The following SIRPB1 variants were observed in gnomAD, a reference collection of about 807,000 sequenced individuals.
SIRPB1 encodes signal regulatory protein beta 1.
In SIRPB1, 28 loss-of-function variants were observed where a neutral mutation model predicts 34.1. The observed-to-expected ratio is 0.82, with a 90% CI of 0.61 to 1.12. The LOEUF is 1.12. Ranked by LOEUF, SIRPB1 falls within the 50% of genes most tolerant of loss-of-function variation. The probability of loss-of-function intolerance (pLI) is 0.00; values close to 1 mark genes in which losing one functional copy is unlikely to be tolerated. For missense variants in SIRPB1, 499 were observed against 507.0 expected (o/e 0.98, Z 0.15); for synonymous variants, 211 against 203.8 (o/e 1.04, Z -0.30).
intron 1 of SIRPB1, among the ~76,000 whole-genome samples, chr20:1,612,664 C>T (rs1267627992): frequency 1.4e-5 from 1 of 72,806 alleles, no homozygotes. Flanking sequence ...AGAAATACAA[C>T]ATTGTTTTAA....
In SIRPB1 at chr20:1,609,850, A is replaced by G. The variant is rs1479690228; in HGVS notation, c.76+10019T>C. On this transcript the variant is annotated intron_variant, in intron 1 of 5. Coordinates refer to ENST00000381605, the MANE Select transcript of SIRPB1 (RefSeq NM_006065.5). ...CATCATCTAGGAGGGAAATCAGGCA[A>G]TATTCTCAAATATGAAAACACACTA... 2.8e-5 allele frequency among the ~76,000 whole-genome samples: 2 copies of G among 72,412 alleles called. 1 individual carries two copies. Among genetic ancestry groups the G allele is most frequent in the Non-Finnish European group, 5.2e-5 (2 of 38,544 alleles). The allele number at this position is 72,412 out of a possible 152,430, so 47.5% of individuals were successfully genotyped here. A position where few individuals can be genotyped will look rare whatever the true frequency, so the allele number is the denominator to read the frequency against.
rs192022324 is a variant in SIRPB1, at chr20:1,615,521, C to T, written c.76+4348G>A. On this transcript the variant is annotated intron_variant, in intron 1 of 5. Transcript: ENST00000381605. ...AAGATCACTGCCAGGTAGAGCTGCA[C>T]ACCTTTCTGTTAACAGTTGGCATTA... Among the ~76,000 whole-genome samples the T allele has an allele frequency of 1.7e-3, 265 of 152,346 alleles. 1 individual carries two copies. Among genetic ancestry groups the T allele is most frequent in the Non-Finnish European group, 2.5e-3 (167 of 68,034 alleles).
At chr20:1,577,002 T>A (rs1459162820) in intron 2 of SIRPB1, among the ~76,000 whole-genome samples, 1 of 148,212 alleles carries the variant, frequency 6.7e-6, no homozygotes, top group East Asian at 1.9e-4. Context: ...TAAATTTTGG[T>A]ATTTCCATAA....
At chr20:1,571,661 A>T in intron 3 of SIRPB1, 59 bp downstream of exon 3, 1 of 1,611,534 alleles carries the variant, frequency 6.2e-7, no homozygotes, top group Non-Finnish European at 8.5e-7. Context: ...GAGCCTGGGG[A>T]GAGGGGAGTG....
rs532011284 is a variant in SIRPB1 at position 1,578,617 on chromosome 20, G to A, written c.154C>T (p.Leu52=). Residue 52 remains leucine (L), a synonymous_variant, in exon 2 of 6, where the codon CTG becomes TTG. Transcript: ENST00000381605. The part of the protein sequence containing the change: ...VSVAAGESAT[L]RCAMTSLIPV... Reference sequence around the variant, plus strand: ...ATCAGGGACGTCATAGCACAGCGCAGAGTGGCCGACTCTCCAGCTGCAACT... The same window carrying A: ...ATCAGGGACGTCATAGCACAGCGCAAAGTGGCCGACTCTCCAGCTGCAACT... 6.3e-7 allele frequency: 1 copy of A among 1,584,298 alleles called. No homozygotes were observed. The highest frequency in any genetic ancestry group is 1.4e-5 in the African/African-American group (1 of 74,058).
chr20:1,611,614 A>G lies in SIRPB1; in HGVS notation c.76+8255T>C. The G allele has an allele frequency of 2.4e-6, 3 of 1,266,280 alleles. 1 individual carries two copies. The highest frequency in any genetic ancestry group is 3.2e-6 in the Non-Finnish European group (3 of 943,394). The allele number at this position is 1,266,280 out of a possible 1,614,324, so 78.4% of individuals were successfully genotyped here. ...CCACTGGATGGGCCCCACAGGGATC[A>G]GGGAAGTCACAGTGCAGTGCAGAGT... On this transcript the variant is annotated intron_variant, in intron 1 of 5. Transcript: ENST00000381605.
At chr20:1,574,506 A>AG (rs2091285645) in intron 2 of SIRPB1, among the ~76,000 whole-genome samples, 1 of 83,160 alleles carries the variant, frequency 1.2e-5, no homozygotes, top group African/African-American at 4.4e-5. Flanking sequence ...TTGGCATTTT[A>AG]GGGGGGTTCC....
chr20:1,594,526 C>T lies in SIRPB1; in HGVS notation c.77-15832G>A, dbSNP rs557614176. Among the ~76,000 whole-genome samples, 2 of 48,528 alleles carry T rather than the reference C, an allele frequency of 4.1e-5. 1 individual carries two copies. Among genetic ancestry groups the T allele is most frequent in the Non-Finnish European group, 7.9e-5 (2 of 25,228 alleles). 31.8% of individuals were successfully genotyped at this position (48,528 alleles called of 152,430 possible). ...ACTCCCCCCTTCATCTACCATATTT[C>T]GCCCCCACTCACGACATTAGATGCA... On this transcript the variant is annotated intron_variant, in intron 1 of 5. Transcript: ENST00000381605.
Position 1,571,654 on chromosome 20 carries a change from C to A in SIRPB1, c.751+66G>T, listed in dbSNP as rs968639695. On this transcript the variant is annotated intron_variant, in intron 3 of 5. Coordinates refer to ENST00000381605, the MANE Select transcript of SIRPB1 (RefSeq NM_006065.5). ...ATTCCAGGCCTTTCAAGCTCTGGAG[C>A]CTGGGGAGAGGGGAGTGGGCTTGGC... 3.2e-5 allele frequency: 52 copies of A among 1,609,958 alleles called. No homozygotes were observed. In the East Asian group the frequency reaches 1.1e-3, roughly 33 times the overall value.
chr20:1,610,506 C>G (rs1568704524), intron 1 of SIRPB1, among the ~76,000 whole-genome samples: 1 of 72,214 alleles, frequency 1.4e-5, no homozygotes, highest in Non-Finnish European at 2.6e-5. Context: ...AGCTCTTGGG[C>G]CTCTGGGAGG....
chr20:1,584,747 C>G lies in SIRPB1; in HGVS notation c.77-6053G>C, dbSNP rs1340799552. 8.1e-5 allele frequency among the ~76,000 whole-genome samples: 4 copies of G among 49,178 alleles called. 2 individuals are homozygous for G. Among genetic ancestry groups the G allele is most frequent in the Non-Finnish European group, 1.6e-4 (4 of 25,432 alleles). 32.3% of individuals were successfully genotyped at this position (49,178 alleles called of 152,430 possible). Reference sequence around the variant, plus strand: ...TTCAATGAAATTCCACAGAAATGGACAAAACAATCCTTAAGTTCATATTAG... The same window carrying G: ...TTCAATGAAATTCCACAGAAATGGAGAAAACAATCCTTAAGTTCATATTAG... On this transcript the variant is annotated intron_variant, in intron 1 of 5. Coordinates refer to ENST00000381605, the MANE Select transcript of SIRPB1 (RefSeq NM_006065.5).
At chr20:1,615,298 A>G (rs534112425) in intron 1 of SIRPB1, among the ~76,000 whole-genome samples, 2 of 152,272 alleles carry the variant, frequency 1.3e-5, no homozygotes, top group African/African-American at 4.8e-5. Context: ...TGCAAATATA[A>G]TGCCCCTCTC....
Position 1,570,857 on chromosome 20 carries a change from A to C in SIRPB1, c.1032T>G (p.Tyr344Ter). The C allele has an allele frequency of 3.7e-6, 6 of 1,614,208 alleles. No homozygotes were observed. Among genetic ancestry groups the C allele is most frequent in the Non-Finnish European group, 5.1e-6 (6 of 1,180,036 alleles). ...HDGQQAVSKS[Y>*]ALEISAHQKE... ...TCTGGTGCGCTGAGATCTCCAGGGC[A>C]TAGCTTTTGCTGACTGCTTGCTGCC... is the stretch of plus-strand genomic sequence containing the variant. The change falls in exon 4 of 6, where the codon TAT becomes TAG. Residue 344 changes from tyrosine (Y) to a stop codon, truncating the protein, a stop_gained. Coordinates refer to ENST00000381605, the MANE Select transcript of SIRPB1 (RefSeq NM_006065.5). LOFTEE classifies it high-confidence loss of function.
intron 5 of SIRPB1, 125 bp downstream of exon 5, chr20:1,566,027 AG>A (rs1217734785): frequency 2.9e-5 from 18 of 624,790 alleles, no homozygotes; most frequent in Non-Finnish European, 2.3e-5. Flanking sequence ...GAGTATCCTG[AG>A]GGAGCCCTGT....
intron 1 of SIRPB1, among the ~76,000 whole-genome samples, chr20:1,616,876 TG>T (rs1384045706): frequency 6.6e-6 from 1 of 152,148 alleles, no homozygotes; most frequent in African/African-American, 2.4e-5. Flanking sequence ...AACTAAAATA[TG>T]GGCCAAAGAT....
At chr20:1,619,774 G>T in intron 1 of SIRPB1, 95 bp downstream of exon 1, 3 of 907,270 alleles carry the variant, frequency 3.3e-6, no homozygotes, top group Non-Finnish European at 5.2e-6. Flanking sequence ...GCCTTTCTTG[G>T]CAGCACTTGT....
intron 4 of SIRPB1, among the ~76,000 whole-genome samples, chr20:1,568,075 C>A (rs193158945): frequency 9.8e-5 from 15 of 152,302 alleles, no homozygotes; most frequent in Non-Finnish European, 1.6e-4. Context: ...TTGGGTCAAA[C>A]CACTCAAAGA....
rs74553185 is a variant in SIRPB1 at position 1,567,336 on chromosome 20, A to G, written c.1085-1069T>C. On this transcript the variant is annotated intron_variant, in intron 4 of 5. Transcript: ENST00000381605. ...AGGGCCAGCCCTTCCCCTCAATTTG[A>G]AAAAAATCTACAGGACCCTCCGGCC... 3.1e-3 allele frequency among the ~76,000 whole-genome samples: 470 copies of G among 152,262 alleles called. 2 individuals carry two copies. The highest frequency in any genetic ancestry group is 9.0e-3 in the African/African-American group (372 of 41,550).
chr20:1,562,659 T>A lies in SIRPB1; in HGVS notation c.*2841A>T, dbSNP rs6110465. On this transcript the variant is annotated 3_prime_UTR_variant, in exon 6 of 6. Coordinates refer to ENST00000381605, the MANE Select transcript of SIRPB1 (RefSeq NM_006065.5). ...CTGGGCTAGCTCTTCAGTCCACAAATCACCATGGTAATAAAAGCTCGTCAT... is the reference window on the plus strand; with the variant it reads ...CTGGGCTAGCTCTTCAGTCCACAAAACACCATGGTAATAAAAGCTCGTCAT... Among the ~76,000 whole-genome samples the A allele has an allele frequency of 1.9e-3, 292 of 152,290 alleles. 1 individual carries two copies. Among genetic ancestry groups the A allele is most frequent in the African/African-American group, 6.4e-3 (268 of 41,564 alleles).
Sources: gnomAD v4.1 joint callset for allele counts (sites outside exome capture counted in the v4.1 genomes callset) on GRCh38, gnomAD v4.1.1 for gene constraint, MANE v1.5 for transcripts, NCBI Gene and HGNC (gene_info 2026-07-23, HGNC 2026-07-21) for gene names.